RNF170: variants seen among roughly 807,000 people sequenced by gnomAD.
The protein encoded by RNF170 is E3 ubiquitin-protein ligase RNF170.
A neutral mutation model predicts 32.7 loss-of-function variants in RNF170; 12 were observed. That is an observed-to-expected ratio of 0.37 (90% CI 0.24 to 0.60). RNF170 has a LOEUF of 0.60. Among genes scored for constraint, RNF170 ranks in the 20% least tolerant of loss-of-function variants. The pLI is 0.72. For synonymous variants in RNF170, 91 were observed against 103.6 expected, an observed-to-expected ratio of 0.88 and a Z score of 0.74; for missense variants, 212 against 311.2, an observed-to-expected ratio of 0.68 and a Z score of 2.40.
At chr8:42,887,950 T>C (rs1217712494) in intron 1 of RNF170, 79 bp from the exon 2 acceptor site, 12 of 1,308,056 alleles carry the variant, frequency 9.2e-6, no homozygotes, top group African/African-American at 1.5e-5. Flanking sequence ...AATGTAAATA[T>C]AACTGACTTC....
intron 3 of RNF170, among the ~76,000 whole-genome samples, chr8:42,872,439 C>T (rs1804591414): frequency 6.6e-6 from 1 of 152,056 alleles, no homozygotes; most frequent in Admixed American, 6.6e-5. Context: ...TACTAATAGG[C>T]TTAAACTATT....
intron 2 of RNF170, among the ~76,000 whole-genome samples, chr8:42,880,547 G>A (rs1261344899): frequency 2.0e-5 from 3 of 152,108 alleles, no homozygotes; most frequent in East Asian, 1.9e-4. Context: ...TGAGGCGGGC[G>A]GATCATGAGG....
downstream of RNF170, chr8:42,850,831 G>A (rs751707459): frequency 2.2e-5 from 34 of 1,551,478 alleles, no homozygotes; most frequent in Non-Finnish European, 2.5e-5. Context: ...GTCTAGTAAC[G>A]TGAAGCATAA....
At chr8:42,861,371 C>T in intron 6 of RNF170, 1 of 161,328 alleles carries the variant, frequency 6.2e-6, no homozygotes, top group Non-Finnish European at 1.3e-5. Context: ...GAGGAAGGGT[C>T]TCACTGCCAC....
At chr8:42,865,703 G>A (rs540600613) in intron 4 of RNF170, among the ~76,000 whole-genome samples, 82 of 152,234 alleles carry the variant, frequency 5.4e-4, no homozygotes, top group African/African-American at 1.9e-3. Flanking sequence ...CCAAGTTAAG[G>A]CCGGGCACAG....
intron 2 of RNF170, chr8:42,881,648 A>G (rs1563268827): frequency 6.6e-6 from 1 of 152,048 alleles, no homozygotes; most frequent in Non-Finnish European, 1.5e-5. Context: ...AAAACCAAAT[A>G]CTAGGGCCAG....
chr8:42,893,987 G>GA (rs989978220), intron 1 of RNF170, among the ~76,000 whole-genome samples: 9 of 151,660 alleles, frequency 5.9e-5, no homozygotes, highest in Non-Finnish European at 1.2e-4. Context: ...TTCAGGGAAG[G>GA]AAAAAAAATA....
intron 2 of RNF170, among the ~76,000 whole-genome samples, chr8:42,885,857 T>C (rs1259182429): frequency 6.6e-6 from 1 of 152,112 alleles, no homozygotes; most frequent in Non-Finnish European, 1.5e-5. Flanking sequence ...TTCCTAGGCT[T>C]AAGTGATCTT....
upstream of RNF170, chr8:42,897,126 G>C (rs562561846): frequency 3.2e-6 from 4 of 1,245,898 alleles, no homozygotes; most frequent in African/African-American, 1.6e-5. Context: ...GGCCGCGGCG[G>C]GGAAGATGTT....
chr8:42,880,162 T>C (rs1379674050), intron 2 of RNF170, among the ~76,000 whole-genome samples: 1 of 152,230 alleles, frequency 6.6e-6, no homozygotes, highest in African/African-American at 2.4e-5. Context: ...GTGACCAAAC[T>C]GCTGCATCAT....
rs563367514 is a variant in RNF170 at position 42,884,670 on chromosome 8, T to C, written c.137+3058A>G. Among the ~76,000 whole-genome samples the C allele has an allele frequency of 7.2e-5, 11 of 152,086 alleles. No homozygotes were observed. The East Asian group carries it at 1.9e-3, about 27-fold the overall frequency. Reference sequence around the variant, plus strand: ...AAAGTAGCCTATACAGTTTTCAGCATCTACAATATACAATTGCCTTATTAA... The same window carrying C: ...AAAGTAGCCTATACAGTTTTCAGCACCTACAATATACAATTGCCTTATTAA... On this transcript the variant is annotated intron_variant, in intron 2 of 6. Coordinates refer to ENST00000527424, the MANE Select transcript of RNF170 (RefSeq NM_030954.4).
intron 5 of RNF170, among the ~76,000 whole-genome samples, chr8:42,864,883 C>G (rs1269243132): frequency 1.3e-5 from 2 of 150,924 alleles, no homozygotes; most frequent in Non-Finnish European, 2.9e-5. Flanking sequence ...TGTAGGATTT[C>G]AAATAGGATT....
At chr8:42,876,215 TTAATATA>T (rs952028524) in intron 2 of RNF170, among the ~76,000 whole-genome samples, 1 of 149,670 alleles carries the variant, frequency 6.7e-6, no homozygotes, top group African/African-American at 2.4e-5. Context: ...GGTAGAATAT[TTAATATA>T]TATTTTAAAA....
At chr8:42,869,952 G>C in intron 4 of RNF170, 52 bp downstream of exon 4, 1 of 1,275,278 alleles carries the variant, frequency 7.8e-7, no homozygotes, top group Non-Finnish European at 1.1e-6. Flanking sequence ...TGTACACATA[G>C]AGGTCTTGGT....
In RNF170 at chr8:42,887,308, A is replaced by C. The variant is rs146574583; in HGVS notation, c.137+420T>G. Among the ~76,000 whole-genome samples the C allele has an allele frequency of 5.5e-3, 830 of 152,240 alleles. 15 individuals carry two copies. Among genetic ancestry groups the C allele is most frequent in the African/African-American group, 0.019 (791 of 41,542 alleles). ...CTCCGTCTCAAAAAATAAATAAATA[A>C]ATAAATAAGTAAAAAAATTAATTCT... On this transcript the variant is annotated intron_variant, in intron 2 of 6. Transcript: ENST00000527424.
intron 2 of RNF170, among the ~76,000 whole-genome samples, chr8:42,876,583 C>T (rs985080614): frequency 2.0e-5 from 3 of 152,028 alleles, no homozygotes; most frequent in Non-Finnish European, 4.4e-5. Context: ...TAAGACCTCC[C>T]AGCCTCTCGA....
At chr8:42,874,093 C>G (rs1384179554) in intron 2 of RNF170, 87 bp from the exon 3 acceptor site, 1 of 789,060 alleles carries the variant, frequency 1.3e-6, no homozygotes, top group Non-Finnish European at 2.2e-6. Context: ...TGACTTATAA[C>G]TACTGGTAAT....
intron 5 of RNF170, among the ~76,000 whole-genome samples, chr8:42,863,809 T>C (rs1803856317): frequency 6.6e-6 from 1 of 152,132 alleles, no homozygotes; most frequent in Admixed American, 6.6e-5. Context: ...AAACATCAGT[T>C]TTCCTCCTGA....
Position 42,857,792 on chromosome 8 carries a change from G to T in RNF170, c.508-1364C>A, listed in dbSNP as rs535971232. 2.6e-5 allele frequency among the ~76,000 whole-genome samples: 4 copies of T among 152,320 alleles called. No individual in the cohort carries two copies. In the East Asian group the frequency reaches 7.7e-4, roughly 29 times the overall value. On this transcript the variant is annotated intron_variant, in intron 6 of 6. Transcript: ENST00000527424. ...CTCACACTGGTAATCCCAGCACTTT[G>T]GGAGGCCAAGGTGAGCAGATCGCTT...
Sources: allele counts gnomAD v4.1 joint callset (sites outside exome capture counted in the v4.1 genomes callset), GRCh38; gene constraint gnomAD v4.1.1; transcripts MANE v1.5; gene names NCBI Gene and HGNC (gene_info 2026-07-23, HGNC 2026-07-21).